The following KCNIP4 variants were observed in gnomAD, a reference collection of about 807,000 sequenced individuals.
KCNIP4 encodes potassium voltage-gated channel interacting protein 4, also known as Kv channel-interacting protein 4.
KCNIP4 carries 12 observed loss-of-function variants against 34.0 expected under a neutral mutation model. That is an observed-to-expected ratio of 0.35 (90% CI 0.23 to 0.57). KCNIP4 has a LOEUF of 0.57. KCNIP4 is among the 20% of genes least tolerant of loss of function. KCNIP4 has a pLI of 0.83. For missense variants in KCNIP4, 238 were observed against 311.7 expected (o/e 0.76, Z 1.78); for synonymous variants, 124 against 102.2 (o/e 1.21, Z -1.29).
rs185935732 is a variant in KCNIP4 at position 20,740,557 on chromosome 4, A to G, written c.430-5822T>C. The stretch of plus-strand genomic sequence containing the variant: ...TTTGTCACCGCCAGGCCTGCCTTAC[A>G]AGAGCTTCTGAAGGAAGCACTAAAC... On this transcript the variant is annotated intron_variant, in intron 5 of 8. Coordinates refer to ENST00000382152, the MANE Select transcript of KCNIP4 (RefSeq NM_025221.6). Among the ~76,000 whole-genome samples, 355 of 152,326 alleles carry G rather than the reference A, an allele frequency of 2.3e-3. 2 individuals are homozygous for G. Among genetic ancestry groups the G allele is most frequent in the African/African-American group, 7.5e-3 (312 of 41,560 alleles).
chr4:20,830,857 C>A (rs16870108), intron 3 of KCNIP4, among the ~76,000 whole-genome samples: 1 of 151,852 alleles, frequency 6.6e-6, no homozygotes, highest in African/African-American at 2.4e-5. Context: ...CTATATGGTA[C>A]GGACAAGATG....
chr4:21,636,497 T>C (rs1209495680), intron 1 of KCNIP4, among the ~76,000 whole-genome samples: 1 of 152,166 alleles, frequency 6.6e-6, no homozygotes, highest in Non-Finnish European at 1.5e-5. Context: ...CACTAAAAAA[T>C]GGAACCTTTC....
chr4:20,827,808 CAA>C (rs11295104), intron 3 of KCNIP4, among the ~76,000 whole-genome samples: 56,534 of 142,494 alleles, frequency 0.4, 11,353 homozygotes, highest in Non-Finnish European at 0.46. Context: ...CCATCCCCCT[CAA>C]AAAAAAAAAA....
intron 1 of KCNIP4, among the ~76,000 whole-genome samples, chr4:21,193,700 T>G (rs1755849467): frequency 6.7e-6 from 1 of 148,962 alleles, no homozygotes; most frequent in Non-Finnish European, 1.5e-5. Flanking sequence ...GCCTCCCGAG[T>G]AGCCGGGACT....
chr4:21,177,120 C>T (rs1009344866), intron 1 of KCNIP4, among the ~76,000 whole-genome samples: 6 of 152,068 alleles, frequency 3.9e-5, no homozygotes, highest in African/African-American at 1.4e-4. Context: ...CTTATTCACT[C>T]AAGAGTTATT....
chr4:21,291,867 A>AAG (rs1763505481), intron 1 of KCNIP4, among the ~76,000 whole-genome samples: 16 of 51,084 alleles, frequency 3.1e-4, no homozygotes, highest in Admixed American at 1.1e-3. Context: ...AAAAAAAAAA[A>AAG]AAAGAAAGAA....
At chr4:20,874,069 CCAA>C (rs139148415) in intron 2 of KCNIP4, among the ~76,000 whole-genome samples, 3,066 of 152,260 alleles carry the variant, frequency 0.02, 44 homozygotes, top group Non-Finnish European at 0.033. Context: ...GCAAAAACAG[CCAA>C]CATTTAGTGA....
chr4:21,643,426 T>C (rs745557294), intron 1 of KCNIP4, among the ~76,000 whole-genome samples: 35 of 152,256 alleles, frequency 2.3e-4, no homozygotes, highest in Non-Finnish European at 4.6e-4. Flanking sequence ...GTTATTGTCT[T>C]TAATTGGAGA....
chr4:21,200,212 A>AT (rs962877564), intron 1 of KCNIP4, among the ~76,000 whole-genome samples: 27 of 151,802 alleles, frequency 1.8e-4, no homozygotes, highest in Admixed American at 1.6e-3. Flanking sequence ...CTGCATGCAT[A>AT]TTTTTATCAC....
At chr4:21,070,663 A>ATTTTTTTTTTTTTTTTTTTTTTTTTTTTT (rs1203011253) in intron 1 of KCNIP4, among the ~76,000 whole-genome samples, 1 of 49,572 alleles carries the variant, frequency 2.0e-5, no homozygotes, top group African/African-American at 8.5e-5. Context: ...GAGTTTTGAG[A>ATTTTTTTTTTTTTTTTTTTTTTTTTTTTT]TTTTTTTTTT....
rs544415065 is a variant in KCNIP4, at chr4:21,583,337, T to G, written c.61+365234A>C. On this transcript the variant is annotated intron_variant, in intron 1 of 8. Transcript: ENST00000382152. ...GATTTAGGAAGTTATTTAGGCTTGC[T>G]GTGCTTCAGGATCCTCATGGGCAAA... Among the ~76,000 whole-genome samples the G allele has an allele frequency of 1.7e-3, 259 of 152,088 alleles. 2 individuals are homozygous for G. Among genetic ancestry groups the G allele is most frequent in the Middle Eastern group, 6.8e-3 (2 of 294 alleles).
At position 21,752,987 on chromosome 4, in the gene KCNIP4, G is replaced by T. The variant is rs115537932; in HGVS notation, c.61+195584C>A. Among the ~76,000 whole-genome samples, 635 of 152,206 alleles carry T rather than the reference G, an allele frequency of 4.2e-3. 3 individuals are homozygous for T. The highest frequency in any genetic ancestry group is 0.014 in the African/African-American group (590 of 41,538). Reference sequence around the variant, plus strand: ...ACCATAAAATGTGCTGCTGCAATTAGAGGGTTTTTTTTTATCTTTTTTTCC... The same window carrying T: ...ACCATAAAATGTGCTGCTGCAATTATAGGGTTTTTTTTTATCTTTTTTTCC... On this transcript the variant is annotated intron_variant, in intron 1 of 8. Coordinates refer to ENST00000382152, the MANE Select transcript of KCNIP4 (RefSeq NM_025221.6).
At chr4:21,528,748 A>G (rs1324428973) in intron 1 of KCNIP4, among the ~76,000 whole-genome samples, 144 of 12,202 alleles carry the variant, frequency 0.012, 2 homozygotes, top group Middle Eastern at 0.05. Context: ...AGAAAGAAAG[A>G]AAGAAAGAAA....
chr4:20,766,033 TTAA>T (rs553535067), intron 3 of KCNIP4, among the ~76,000 whole-genome samples: 52 of 152,332 alleles, frequency 3.4e-4, no homozygotes, highest in African/African-American at 1.3e-3. Flanking sequence ...TTTATAATTA[TTAA>T]TGTGATGATG....
chr4:21,115,957 C>G (rs1038406302), intron 1 of KCNIP4, among the ~76,000 whole-genome samples: 3 of 152,124 alleles, frequency 2.0e-5, no homozygotes, highest in Admixed American at 1.3e-4. Flanking sequence ...TTTGCTAAAG[C>G]CATAAAGTCA....
At chr4:21,433,905 T>C (rs1408253152) in intron 1 of KCNIP4, among the ~76,000 whole-genome samples, 1 of 152,224 alleles carries the variant, frequency 6.6e-6, no homozygotes, top group Non-Finnish European at 1.5e-5. Flanking sequence ...ATTATTAATA[T>C]TATCATTTGT....
intron 1 of KCNIP4, among the ~76,000 whole-genome samples, chr4:21,060,160 T>C (rs1227851599): frequency 6.6e-6 from 1 of 152,132 alleles, no homozygotes; most frequent in African/African-American, 2.4e-5. Context: ...GCTTAAACTT[T>C]TACAATAAAG....
intron 1 of KCNIP4, among the ~76,000 whole-genome samples, chr4:21,343,967 A>G (rs949922119): frequency 6.6e-5 from 10 of 152,164 alleles, no homozygotes; most frequent in African/African-American, 1.9e-4. Context: ...CAGTTAGTAA[A>G]TAAACATAAT....
At chr4:21,791,242 C>T (rs1168854969) in intron 1 of KCNIP4, among the ~76,000 whole-genome samples, 4 of 151,966 alleles carry the variant, frequency 2.6e-5, no homozygotes, top group East Asian at 3.9e-4. Context: ...ATGGGGCAAG[C>T]GAGCTCTGAG....
Sources: gnomAD v4.1 joint callset for allele counts (sites outside exome capture counted in the v4.1 genomes callset) on GRCh38, gnomAD v4.1.1 for gene constraint, MANE v1.5 for transcripts, NCBI Gene and HGNC (gene_info 2026-07-23, HGNC 2026-07-21) for gene names.